The following CCSER1 variants were observed in gnomAD, a reference collection of about 807,000 sequenced individuals.
CCSER1 encodes the protein serine-rich coiled-coil domain-containing protein 1.
Under a neutral mutation model 82.0 loss-of-function variants are expected in CCSER1, and 41 were observed. The observed-to-expected ratio is 0.50, with a 90% confidence interval of 0.39 to 0.65. The LOEUF (loss-of-function observed/expected upper bound fraction) is 0.65. Among genes scored for constraint, CCSER1 ranks in the 30% least tolerant of loss-of-function variants. CCSER1 has a pLI of 0.00. For missense variants in CCSER1, 1,119 were observed against 1,064.2 expected, an observed-to-expected ratio of 1.05 and a Z score of -0.72; for synonymous variants, 414 against 383.9, an observed-to-expected ratio of 1.08 and a Z score of -0.92.
chr4:90,693,398 A>AC (rs1736385308), intron 6 of CCSER1: 1 of 151,966 alleles, frequency 6.6e-6, no homozygotes, highest in Non-Finnish European at 1.5e-5. Context: ...GCTACAAGTT[A>AC]GAGTTGGATT....
At chr4:91,582,532 G>A (rs772858795) in intron 10 of CCSER1, among the ~76,000 whole-genome samples, 1 of 151,436 alleles carries the variant, frequency 6.6e-6, no homozygotes, top group Non-Finnish European at 1.5e-5. Flanking sequence ...TCCTTTGATC[G>A]ATGTGCATCA....
intron 10 of CCSER1, among the ~76,000 whole-genome samples, chr4:91,245,823 A>G (rs1699506970): frequency 6.6e-6 from 1 of 152,082 alleles, no homozygotes; most frequent in African/African-American, 2.4e-5. Context: ...CAGCCTCCTG[A>G]GTAGCTGGGA....
intron 5 of CCSER1, among the ~76,000 whole-genome samples, chr4:90,559,445 G>A (rs1560717803): frequency 6.6e-6 from 1 of 152,072 alleles, no homozygotes; most frequent in African/African-American, 2.4e-5. Context: ...TAAGGTGGGG[G>A]ACTTGGCCTT....
chr4:91,423,142 C>A (rs1753773076), intron 10 of CCSER1, among the ~76,000 whole-genome samples: 1 of 151,792 alleles, frequency 6.6e-6, no homozygotes, highest in Non-Finnish European at 1.5e-5. Flanking sequence ...AAAAGTAGGT[C>A]TGGCCTGGCG....
intron 10 of CCSER1, chr4:91,108,006 A>C (rs2148866140): frequency 6.6e-6 from 1 of 152,314 alleles, no homozygotes; most frequent in Admixed American, 6.5e-5. Context: ...CCATCATTGA[A>C]AAGTTAGCTT....
chr4:90,949,872 A>C (rs888548417), intron 9 of CCSER1, among the ~76,000 whole-genome samples: 1 of 152,136 alleles, frequency 6.6e-6, no homozygotes, highest in African/African-American at 2.4e-5. Flanking sequence ...CAGACTCTAG[A>C]ATTATCCCTA....
chr4:90,781,920 T>C (rs181305329), intron 7 of CCSER1: 5 of 928,650 alleles, frequency 5.4e-6, no homozygotes, highest in Non-Finnish European at 6.4e-6. Context: ...TAAAATCGTA[T>C]TGAAGAGACT....
chr4:90,586,281 G>C (rs79583739), intron 5 of CCSER1, among the ~76,000 whole-genome samples: 1 of 152,140 alleles, frequency 6.6e-6, no homozygotes, highest in Admixed American at 6.5e-5. Flanking sequence ...CAATTTGTCC[G>C]TGGAAAAATT....
chr4:90,129,017 C>T (rs556848413), intron 1 of CCSER1, among the ~76,000 whole-genome samples: 1 of 152,224 alleles, frequency 6.6e-6, no homozygotes, highest in Admixed American at 6.5e-5. Context: ...CTCCACCCCT[C>T]TTACCTTTTC....
chr4:90,718,655 T>G (rs921884795), intron 6 of CCSER1, among the ~76,000 whole-genome samples: 1 of 152,148 alleles, frequency 6.6e-6, no homozygotes, highest in Non-Finnish European at 1.5e-5. Context: ...TAAAATGATC[T>G]GTCAAAATTT....
At chr4:91,026,026 T>C (rs1740459548) in intron 9 of CCSER1, among the ~76,000 whole-genome samples, 1 of 152,134 alleles carries the variant, frequency 6.6e-6, no homozygotes, top group African/African-American at 2.4e-5. Context: ...GCTTTGACTT[T>C]CCACTGGTTT....
chr4:91,424,337 G>A (rs1459231177), intron 10 of CCSER1, among the ~76,000 whole-genome samples: 1 of 152,092 alleles, frequency 6.6e-6, no homozygotes, highest in Admixed American at 6.5e-5. Flanking sequence ...CAGATCTTAA[G>A]AAAACTCTTA....
chr4:90,506,239 T>A (rs910826992), intron 5 of CCSER1, among the ~76,000 whole-genome samples: 4 of 152,074 alleles, frequency 2.6e-5, no homozygotes, highest in Admixed American at 1.3e-4. Flanking sequence ...ATTATTAAAA[T>A]TTTTTTTCAG....
intron 8 of CCSER1, among the ~76,000 whole-genome samples, chr4:90,849,174 A>G (rs1763550519): frequency 6.6e-6 from 1 of 152,198 alleles, no homozygotes; most frequent in South Asian, 2.1e-4. Flanking sequence ...TCAGAAGACA[A>G]GGAAATGGGG....
chr4:91,446,678 T>C (rs1211276642), intron 10 of CCSER1, among the ~76,000 whole-genome samples: 3 of 146,442 alleles, frequency 2.0e-5, no homozygotes, highest in Non-Finnish European at 4.5e-5. Context: ...AATAAATAAA[T>C]ATATATATAT....
intron 9 of CCSER1, among the ~76,000 whole-genome samples, chr4:91,068,805 A>G (rs17018011): frequency 0.015 from 2,328 of 152,326 alleles, 55 homozygotes; most frequent in African/African-American, 0.053. Flanking sequence ...GGTAAAGGCC[A>G]CAACTTTTGT....
chr4:91,255,011 G>A (rs1185353771), intron 10 of CCSER1, among the ~76,000 whole-genome samples: 1 of 151,958 alleles, frequency 6.6e-6, no homozygotes, highest in Non-Finnish European at 1.5e-5. Context: ...TACAGTATTT[G>A]TCATTTAGTG....
intron 1 of CCSER1, among the ~76,000 whole-genome samples, chr4:90,194,098 A>G (rs1449675790): frequency 6.6e-6 from 1 of 152,072 alleles, no homozygotes; most frequent in Non-Finnish European, 1.5e-5. Context: ...TGCCTTAGAA[A>G]GACAAGAGCT....
At chr4:90,155,537 A>T (rs1310692056) in intron 1 of CCSER1, among the ~76,000 whole-genome samples, 2 of 152,216 alleles carry the variant, frequency 1.3e-5, no homozygotes, top group African/African-American at 2.4e-5. Context: ...TAAGGTATTG[A>T]TTATTGCCAC....
Sources: gnomAD v4.1 joint callset for allele counts (sites outside exome capture counted in the v4.1 genomes callset) on GRCh38, gnomAD v4.1.1 for gene constraint, MANE v1.5 for transcripts, NCBI Gene and HGNC (gene_info 2026-07-23, HGNC 2026-07-21) for gene names.